SLC39A8: variants seen among roughly 807,000 people sequenced by gnomAD.
SLC39A8 encodes the protein solute carrier family 39 member 8.
Under a neutral mutation model 40.4 loss-of-function variants are expected in SLC39A8, and 15 were observed. The observed-to-expected ratio is 0.37, with a 90% CI of 0.25 to 0.57. The LOEUF (loss-of-function observed/expected upper bound fraction) is 0.57. Ranked by LOEUF, SLC39A8 falls within the 20% of genes least tolerant of loss-of-function variation. SLC39A8 has a pLI of 0.75. For synonymous variants in SLC39A8, 223 were observed against 221.6 expected, an observed-to-expected ratio of 1.01 and a Z score of -0.06; for missense variants, 472 against 558.8, an observed-to-expected ratio of 0.84 and a Z score of 1.57.
chr4:102,307,724 A>G (rs1734248849), intron 3 of SLC39A8, 119 bp from the exon 4 acceptor site: 3 of 974,670 alleles, frequency 3.1e-6, no homozygotes, highest in Admixed American at 5.2e-5. Flanking sequence ...CTTCTTTAAA[A>G]GAACAAAATC....
At chr4:102,272,875 C>T (rs1320630748) in intron 6 of SLC39A8, among the ~76,000 whole-genome samples, 3 of 152,028 alleles carry the variant, frequency 2.0e-5, no homozygotes, top group Non-Finnish European at 4.4e-5. Flanking sequence ...CAAAGGAGGC[C>T]ATGAGGAGCC....
rs116224009 is a variant in SLC39A8 at position 102,256,441 on chromosome 4, G to A, written c.*299-3011C>T. ...TACGTGATGATTCATGCTTAAGGAC[G>A]TGTTGTTGGACAGTTGGTTACAGTC... On this transcript the variant is annotated intron_variant and NMD_transcript_variant, in intron 11 of 11. Transcript: ENST00000424970. Among the ~76,000 whole-genome samples the A allele has an allele frequency of 7.2e-3, 1,090 of 152,208 alleles. 16 individuals carry two copies. Among genetic ancestry groups the A allele is most frequent in the African/African-American group, 0.025 (1,047 of 41,524 alleles).
intron 6 of SLC39A8, among the ~76,000 whole-genome samples, chr4:102,286,326 T>C (rs1483854047): frequency 6.6e-6 from 1 of 152,130 alleles, no homozygotes; most frequent in Non-Finnish European, 1.5e-5. Context: ...TCAATCAGCA[T>C]GCATGACAGA....
intron 3 of SLC39A8, among the ~76,000 whole-genome samples, chr4:102,309,975 G>A (rs1734353458): frequency 6.6e-6 from 1 of 151,832 alleles, no homozygotes; most frequent in Non-Finnish European, 1.5e-5. Flanking sequence ...TTATCGATCT[G>A]GTGCCCCTCC....
intron 6 of SLC39A8, among the ~76,000 whole-genome samples, chr4:102,274,121 G>T (rs768536025): frequency 3.3e-5 from 5 of 152,102 alleles, no homozygotes; most frequent in African/African-American, 7.2e-5. Flanking sequence ...ACAGAAGTAG[G>T]CTTCAGAAGG....
At chr4:102,311,387 T>C (rs150615327) in intron 3 of SLC39A8, among the ~76,000 whole-genome samples, 19 of 152,248 alleles carry the variant, frequency 1.2e-4, no homozygotes, top group African/African-American at 4.6e-4. Flanking sequence ...TTTAATTCAC[T>C]GTTACTCAGT....
At chr4:102,266,556 T>C (rs1056230258) in intron 8 of SLC39A8, among the ~76,000 whole-genome samples, 1 of 152,192 alleles carries the variant, frequency 6.6e-6, no homozygotes, top group African/African-American at 2.4e-5. Flanking sequence ...ATAGAAAGAT[T>C]TCCATGATTT....
chr4:102,267,395 G>T, intron 8 of SLC39A8, 95 bp downstream of exon 8: 1 of 1,154,884 alleles, frequency 8.7e-7, no homozygotes, highest in Non-Finnish European at 1.2e-6. Flanking sequence ...CTTCCACACT[G>T]CGGAAAGCAG....
chr4:102,291,718 T>G lies in SLC39A8; in HGVS notation c.840+12599A>C, dbSNP rs556511195. 3.9e-5 allele frequency among the ~76,000 whole-genome samples: 6 copies of G among 152,084 alleles called. No individual in the cohort carries two copies. The South Asian group carries it at 1.2e-3, about 32-fold the overall frequency. On this transcript the variant is annotated intron_variant, in intron 6 of 8. Transcript: ENST00000356736. Reference sequence around the variant, plus strand: ...CCTAAGGATGGGATGGCCTAGCACATGGGACTTTGTCCATCAAGCTCTCTT... The same window carrying G: ...CCTAAGGATGGGATGGCCTAGCACAGGGGACTTTGTCCATCAAGCTCTCTT...
rs13107325 is a variant in SLC39A8, at chr4:102,267,552, C to T, written c.1171G>A (p.Ala391Thr). Residue 391 changes from alanine (A) to threonine (T), a missense_variant, in exon 8 of 9, where the codon GCT becomes ACT. Ala to Thr is a moderately conservative substitution (Grantham distance 58). Around this residue, in one of 4 missense-constraint regions of SLC39A8, gnomAD observed 239 missense variants for 317.9 expected, o/e 0.75. Coordinates refer to ENST00000356736, the MANE Select transcript of SLC39A8 (RefSeq NM_001135146.2). ...GCAAGTGCAAATATAATATTTGGAGCGAAATTGTTGCCCACCAAAATGCCA... is the reference window on the plus strand; with the variant it reads ...GCAAGTGCAAATATAATATTTGGAGTGAAATTGTTGCCCACCAAAATGCCA... ...AFGILVGNNF[A>T]PNIIFALAGG... 0.062 allele frequency: 99,798 copies of T among 1,613,550 alleles called. 3,734 individuals carry two copies. The highest frequency in any genetic ancestry group is 0.074 in the Non-Finnish European group (87,121 of 1,179,738).
chr4:102,279,505 A>G (rs556624167), intron 6 of SLC39A8, among the ~76,000 whole-genome samples: 203 of 152,278 alleles, frequency 1.3e-3, no homozygotes, highest in Admixed American at 4.2e-3. Context: ...TCCCCCAATA[A>G]AAACAAGACT....
At chr4:102,259,475 G>T, downstream of SLC39A8, 2 of 1,548,364 alleles carry the variant, frequency 1.3e-6, no homozygotes, top group Non-Finnish European at 1.7e-6. Context: ...CAAAGTAAAT[G>T]AAGTTGAGAT....
intron 1 of SLC39A8, 59 bp from the exon 2 acceptor site, chr4:102,344,974 G>A (rs550439234): frequency 1.8e-6 from 2 of 1,097,184 alleles, no homozygotes; most frequent in African/African-American, 3.3e-5. Context: ...CCAGCCGGCA[G>A]GCTCCAGAAA....
chr4:102,287,003 C>T (rs1733211495), intron 6 of SLC39A8, among the ~76,000 whole-genome samples: 1 of 152,106 alleles, frequency 6.6e-6, no homozygotes, highest in Non-Finnish European at 1.5e-5. Flanking sequence ...TCTGTGTGAA[C>T]TTGAGGGAGT....
intron 6 of SLC39A8, among the ~76,000 whole-genome samples, chr4:102,274,141 A>G (rs1438833356): frequency 1.3e-5 from 2 of 152,154 alleles, no homozygotes; most frequent in Non-Finnish European, 1.5e-5. Flanking sequence ...GTGGGTAAAA[A>G]CAAACTCCTC....
intron 6 of SLC39A8, among the ~76,000 whole-genome samples, chr4:102,301,623 A>G (rs1409648251): frequency 6.6e-6 from 1 of 152,092 alleles, no homozygotes; most frequent in African/African-American, 2.4e-5. Context: ...GAATAAGTAA[A>G]TGAAAGCATT....
At chr4:102,332,843 A>T (rs938151366) in intron 2 of SLC39A8, among the ~76,000 whole-genome samples, 1 of 152,258 alleles carries the variant, frequency 6.6e-6, no homozygotes, top group South Asian at 2.1e-4. Context: ...CCATAAAAAA[A>T]GGATGAGTTC....
At chr4:102,341,905 A>C (rs1278823136) in intron 2 of SLC39A8, among the ~76,000 whole-genome samples, 1 of 152,202 alleles carries the variant, frequency 6.6e-6, no homozygotes, top group Non-Finnish European at 1.5e-5. Context: ...AGATTCAATA[A>C]ATTCCTGGAC....
intron 6 of SLC39A8, among the ~76,000 whole-genome samples, chr4:102,296,621 T>G (rs909525173): frequency 2.6e-5 from 4 of 152,116 alleles, no homozygotes; most frequent in Non-Finnish European, 5.9e-5. Context: ...GTGTTAATTA[T>G]TTTTTCCCAA....
Sources: gnomAD v4.1 joint callset for allele counts (sites outside exome capture counted in the v4.1 genomes callset) on GRCh38, gnomAD v4.1.1 for gene constraint, gnomAD v4.1.1 regional missense constraint, MANE v1.5 for transcripts, NCBI Gene and HGNC (gene_info 2026-07-23, HGNC 2026-07-21) for gene names.